The following MRPS31 variants were observed in gnomAD, a reference collection of about 807,000 sequenced individuals.
MRPS31 encodes small ribosomal subunit protein mS31.
A neutral mutation model predicts 43.1 loss-of-function variants in MRPS31; 32 were observed. The ratio of observed to expected loss-of-function variants is 0.74; its 90% CI spans 0.56 to 1.00. The LOEUF is 1.00. Among genes scored for constraint, MRPS31 ranks in the 50% least tolerant of loss-of-function variants. The pLI, the probability that MRPS31 is intolerant of heterozygous loss-of-function variation, is 0.00. For synonymous variants in MRPS31, 165 were observed against 161.6 expected, an observed-to-expected ratio of 1.02 and a Z score of -0.16; for missense variants, 437 against 466.7, an observed-to-expected ratio of 0.94 and a Z score of 0.59.
chr13:40,747,610 GCT>G (rs1014151367), intron 6 of MRPS31, among the ~76,000 whole-genome samples: 1 of 152,180 alleles, frequency 6.6e-6, no homozygotes, highest in African/African-American at 2.4e-5. Context: ...AGGTGCGGTG[GCT>G]CAAGCCTGTA....
At chr13:40,762,782 T>TTGTGTGTGTGTGTG (rs60906711) in intron 2 of MRPS31, among the ~76,000 whole-genome samples, 1 of 129,892 alleles carries the variant, frequency 7.7e-6, no homozygotes, top group Non-Finnish European at 1.6e-5. Flanking sequence ...AGTATAGACA[T>TTGTGTGTGTGTGTG]TGTGTGTGTG....
rs1880463382 is a variant in MRPS31 at position 40,754,028 on chromosome 13, G to A, written c.805C>T (p.Pro269Ser). The change falls in exon 5 of 7, where the codon CCT becomes TCT. Residue 269 changes from proline to serine, a missense_variant. By Grantham distance (74) the Pro-to-Ser change is moderately conservative. Coordinates refer to ENST00000323563, the MANE Select transcript of MRPS31 (RefSeq NM_005830.4). ...GTTATTCTTAACAAACCTGTTTCAG[G>A]TGCTTCTTTAGTAACTGCCATCATG... ...FDMMAVTKEA[P>S]ETDTSPSLWD... 6.3e-7 allele frequency: 1 copy of A among 1,593,378 alleles called. No individual in the cohort carries two copies. The highest frequency in any genetic ancestry group is 2.3e-5 in the East Asian group (1 of 44,264).
chr13:40,758,753 A>C (rs1453936277), intron 3 of MRPS31, among the ~76,000 whole-genome samples, 195 bp downstream of exon 3: 2 of 152,212 alleles, frequency 1.3e-5, no homozygotes, highest in Non-Finnish European at 2.9e-5. Flanking sequence ...AACTTTATTC[A>C]ATTGTTTTTT....
At chr13:40,740,651 T>C (rs1316616528) in intron 6 of MRPS31, among the ~76,000 whole-genome samples, 10 of 137,646 alleles carry the variant, frequency 7.3e-5, no homozygotes, top group African/African-American at 2.2e-4. Context: ...ATGGATGAAA[T>C]TGGAAATCAT....
intron 2 of MRPS31, among the ~76,000 whole-genome samples, chr13:40,761,228 C>G (rs963945747): frequency 2.0e-5 from 3 of 150,984 alleles, no homozygotes; most frequent in African/African-American, 7.3e-5. Flanking sequence ...GATTTTTCCA[C>G]TGCACTACAG....
At chr13:40,746,433 T>A (rs931201131) in intron 6 of MRPS31, among the ~76,000 whole-genome samples, 4 of 152,144 alleles carry the variant, frequency 2.6e-5, no homozygotes, top group African/African-American at 9.7e-5. Flanking sequence ...GAGCTGAAAA[T>A]GAGTTACTGA....
chr13:40,732,051 G>C (rs772498667), intron 6 of MRPS31, among the ~76,000 whole-genome samples: 4 of 152,168 alleles, frequency 2.6e-5, no homozygotes, highest in African/African-American at 7.2e-5. Context: ...AGGCTACAGA[G>C]CTATGTACAA....
In MRPS31 at chr13:40,770,148, C is replaced by T. The variant is rs139297763; in HGVS notation, c.152+837G>A. Reference sequence around the variant, plus strand: ...TTTTTGCTATCTCTGACTACCCTACCATTATCCCATGACGTCACATCCCTT... The same window carrying T: ...TTTTTGCTATCTCTGACTACCCTACTATTATCCCATGACGTCACATCCCTT... On this transcript the variant is annotated intron_variant, in intron 1 of 6. Transcript: ENST00000323563. Among the ~76,000 whole-genome samples the T allele has an allele frequency of 2.0e-4, 31 of 152,314 alleles. No homozygotes were observed. The East Asian group carries it at 5.8e-3, about 28-fold the overall frequency.
intron 6 of MRPS31, among the ~76,000 whole-genome samples, chr13:40,731,442 C>G (rs1046543869): frequency 2.7e-5 from 4 of 149,506 alleles, no homozygotes; most frequent in Non-Finnish European, 5.9e-5. Flanking sequence ...ATTAGCTGGG[C>G]ACGGTGGCAT....
intron 6 of MRPS31, among the ~76,000 whole-genome samples, chr13:40,742,995 C>T (rs1880144225): frequency 6.6e-6 from 1 of 152,056 alleles, no homozygotes; most frequent in Admixed American, 6.5e-5. Flanking sequence ...ACAGCCCAGG[C>T]AAGGACTTCA....
chr13:40,765,325 T>C (rs892351720), intron 2 of MRPS31, among the ~76,000 whole-genome samples: 2 of 152,206 alleles, frequency 1.3e-5, no homozygotes, highest in East Asian at 1.9e-4. Flanking sequence ...CCCACACATG[T>C]ATGTTTGCCT....
chr13:40,764,574 G>A (rs1252318060), intron 2 of MRPS31, among the ~76,000 whole-genome samples: 1 of 152,088 alleles, frequency 6.6e-6, no homozygotes, highest in Non-Finnish European at 1.5e-5. Flanking sequence ...TTATTACAAG[G>A]CTAGGTCATT....
At chr13:40,741,657 G>T (rs185883463) in intron 6 of MRPS31, among the ~76,000 whole-genome samples, 1 of 152,104 alleles carries the variant, frequency 6.6e-6, no homozygotes, top group Admixed American at 6.6e-5. Context: ...AAGAGACTTT[G>T]TAAGTATTTA....
At chr13:40,763,431 A>C (rs1343372047) in intron 2 of MRPS31, among the ~76,000 whole-genome samples, 1 of 152,174 alleles carries the variant, frequency 6.6e-6, no homozygotes, top group Non-Finnish European at 1.5e-5. Context: ...TCCCTGCAAA[A>C]GACGTGCAGT....
At chr13:40,770,502 C>T (rs186529610) in intron 1 of MRPS31, among the ~76,000 whole-genome samples, 213 of 152,294 alleles carry the variant, frequency 1.4e-3, no homozygotes, top group Non-Finnish European at 2.5e-3. Context: ...TTCATGTTGG[C>T]TGAATAGTGT....
At chr13:40,739,425 T>C (rs1880016623) in intron 6 of MRPS31, among the ~76,000 whole-genome samples, 2 of 152,106 alleles carry the variant, frequency 1.3e-5, no homozygotes, top group Admixed American at 6.6e-5. Context: ...CTTCACAGAA[T>C]TGGAAAAAAA....
chr13:40,761,391 G>C (rs1313721817), intron 2 of MRPS31, among the ~76,000 whole-genome samples: 1 of 152,016 alleles, frequency 6.6e-6, no homozygotes, highest in Non-Finnish European at 1.5e-5. Context: ...TAAACTACTT[G>C]TGAACTTCAT....
intron 5 of MRPS31, 104 bp downstream of exon 5, chr13:40,753,915 T>C: frequency 1.3e-6 from 1 of 752,890 alleles, no homozygotes; most frequent in Non-Finnish European, 2.2e-6. Flanking sequence ...TCCAGGCCAA[T>C]GACAGAATGG....
intron 1 of MRPS31, among the ~76,000 whole-genome samples, chr13:40,769,358 G>C (rs982768871): frequency 2.5e-4 from 33 of 129,462 alleles, no homozygotes; most frequent in African/African-American, 8.9e-4. Context: ...CTAAGCGACA[G>C]AGCAAGACTC....
Sources: gnomAD v4.1 joint callset for allele counts (sites outside exome capture counted in the v4.1 genomes callset) on GRCh38, gnomAD v4.1.1 for gene constraint, MANE v1.5 for transcripts, NCBI Gene and HGNC (gene_info 2026-07-23, HGNC 2026-07-21) for gene names.